HERC6: variants seen among roughly 807,000 people sequenced by gnomAD.
HERC6 encodes the protein HECT and RLD domain containing E3 ubiquitin protein ligase family member 6.
In HERC6, 101 loss-of-function variants were observed where a neutral mutation model predicts 114.5. The ratio of observed to expected loss-of-function variants is 0.88; its 90% CI spans 0.75 to 1.04. The LOEUF is 1.04. Ranked by LOEUF, HERC6 falls within the 50% of genes least tolerant of loss-of-function variation. HERC6 has a pLI of 0.00. For missense variants in HERC6, 1,133 were observed against 1,230.9 expected (o/e 0.92, Z 1.19); for synonymous variants, 408 against 436.2 (o/e 0.94, Z 0.81).
chr4:88,380,426 T>TAATATATAAATATATATATATA (rs1734254225), intron 1 of HERC6, among the ~76,000 whole-genome samples: 1 of 111,574 alleles, frequency 9.0e-6, no homozygotes, highest in Non-Finnish European at 1.7e-5. Context: ...TATATATATA[T>TAATATATAAATATATATATATA]ACACATAATA....
chr4:88,393,385 T>A (rs1041133887), intron 4 of HERC6, 103 bp from the exon 5 acceptor site: 2 of 486,022 alleles, frequency 4.1e-6, no homozygotes, highest in African/African-American at 1.9e-5. Context: ...ATAAAATATA[T>A]CTCTTACACA....
At chr4:88,400,861 CAGT>C (rs1735498424) in intron 8 of HERC6, among the ~76,000 whole-genome samples, 1 of 151,930 alleles carries the variant, frequency 6.6e-6, no homozygotes, top group Non-Finnish European at 1.5e-5. Context: ...CAGGAAAAAA[CAGT>C]CAATATGGAG....
intron 7 of HERC6, among the ~76,000 whole-genome samples, 188 bp from the exon 8 acceptor site, chr4:88,397,954 A>G (rs1472546128): frequency 1.3e-5 from 2 of 152,132 alleles, no homozygotes; most frequent in African/African-American, 2.4e-5. Flanking sequence ...TCTGATCAAA[A>G]CTGATCTTTT....
chr4:88,415,144 T>A, intron 12 of HERC6, among the ~76,000 whole-genome samples: 1 of 152,226 alleles, frequency 6.6e-6, no homozygotes, highest in East Asian at 1.9e-4. Flanking sequence ...ATATTCTATA[T>A]ATAGAAACAT....
At chr4:88,441,369 G>C (rs989759405) in intron 22 of HERC6, among the ~76,000 whole-genome samples, 3 of 152,144 alleles carry the variant, frequency 2.0e-5, no homozygotes, top group African/African-American at 7.2e-5. Context: ...AACCCTACGA[G>C]GTAGGTACTA....
At chr4:88,406,406 G>A (rs1264476560) in intron 10 of HERC6, among the ~76,000 whole-genome samples, 1 of 152,226 alleles carries the variant, frequency 6.6e-6, no homozygotes, top group Non-Finnish European at 1.5e-5. Flanking sequence ...ACTTGCCGTT[G>A]TACAACCCTC....
chr4:88,390,905 G>A (rs747656719), intron 4 of HERC6, 26 bp downstream of exon 4: 22 of 1,566,594 alleles, frequency 1.4e-5, no homozygotes, highest in East Asian at 4.6e-5. Flanking sequence ...TGTTTGTGCA[G>A]TAAATCATTC....
At chr4:88,431,706 G>C (rs1738235886) in intron 17 of HERC6, among the ~76,000 whole-genome samples, 1 of 152,200 alleles carries the variant, frequency 6.6e-6, no homozygotes, top group Non-Finnish European at 1.5e-5. Flanking sequence ...AGGATTGCTT[G>C]AGTAGCTGAG....
chr4:88,439,838 C>G, intron 20 of HERC6, 36 bp from the exon 21 acceptor site: 1 of 1,284,494 alleles, frequency 7.8e-7, no homozygotes, highest in Non-Finnish European at 1.0e-6. Context: ...CTTTTCCTTC[C>G]TTTCTTTTTT....
chr4:88,428,234 G>T (rs1277264343), intron 15 of HERC6, among the ~76,000 whole-genome samples: 2 of 152,152 alleles, frequency 1.3e-5, no homozygotes, highest in African/African-American at 4.8e-5. Flanking sequence ...TAAGACTGAT[G>T]GTGGATGAAT....
intron 11 of HERC6, among the ~76,000 whole-genome samples, chr4:88,409,671 A>C (rs1735988939): frequency 6.6e-6 from 1 of 152,120 alleles, no homozygotes; most frequent in South Asian, 2.1e-4. Flanking sequence ...CTGAGATGAA[A>C]CTTACATCTA....
intron 20 of HERC6, 77 bp from the exon 21 acceptor site, chr4:88,439,797 G>A (rs1739144470): frequency 7.7e-7 from 1 of 1,290,802 alleles, no homozygotes; most frequent in East Asian, 2.7e-5. Flanking sequence ...ATAGTAAAAA[G>A]AACAAAGTAT....
intron 5 of HERC6, among the ~76,000 whole-genome samples, chr4:88,395,183 T>A (rs1398723528): frequency 6.6e-6 from 1 of 152,110 alleles, no homozygotes; most frequent in Non-Finnish European, 1.5e-5. Flanking sequence ...AACCCTCAAT[T>A]GTTTGGATTA....
Position 88,421,721 on chromosome 4 carries a change from C to G in HERC6, c.1714-2139C>G, listed in dbSNP as rs111819392. ...TCAGTCTTTCAAAGTGCTAGGATTA[C>G]AGGCATAAGCCACCGCACCCGACCA... On this transcript the variant is annotated intron_variant, in intron 13 of 22. Coordinates refer to ENST00000264346, the MANE Select transcript of HERC6 (RefSeq NM_017912.4). Among the ~76,000 whole-genome samples, 381 of 152,316 alleles carry G rather than the reference C, an allele frequency of 2.5e-3. 3 individuals carry two copies. The highest frequency in any genetic ancestry group is 9.0e-3 in the African/African-American group (373 of 41,578).
chr4:88,423,408 A>T (rs1452806696), intron 13 of HERC6, among the ~76,000 whole-genome samples: 1 of 152,160 alleles, frequency 6.6e-6, no homozygotes, highest in Non-Finnish European at 1.5e-5. Flanking sequence ...TTGCAAATAC[A>T]GTTTTATGGG....
intron 15 of HERC6, among the ~76,000 whole-genome samples, chr4:88,425,157 G>C (rs571222331): frequency 2.5e-4 from 38 of 152,086 alleles, no homozygotes; most frequent in Non-Finnish European, 3.7e-4. Context: ...CTCCAAAATG[G>C]TTAAAGACCA....
chr4:88,423,995 C>A, intron 14 of HERC6, 22 bp downstream of exon 14: 3 of 1,107,258 alleles, frequency 2.7e-6, no homozygotes, highest in Non-Finnish European at 2.6e-6. Context: ...ATTTTTACTT[C>A]TGAAAATGTT....
In HERC6 at chr4:88,404,806, G is replaced by T. The variant is rs890446624; in HGVS notation, c.1093-70G>T. The T allele has an allele frequency of 2.5e-6, 4 of 1,572,850 alleles. No individual in the cohort carries two copies. In the African/African-American group the frequency reaches 4.1e-5, roughly 16 times the overall value. ...GGCCTATTTACCACCCATGCCAGGTGATTTACTGTATAATTTACTACTGAA... is the reference window on the plus strand; with the variant it reads ...GGCCTATTTACCACCCATGCCAGGTTATTTACTGTATAATTTACTACTGAA... On this transcript the variant is annotated intron_variant, in intron 8 of 22. Transcript: ENST00000264346.
Position 88,431,299 on chromosome 4 carries a change from T to G in HERC6, c.2244T>G (p.Pro748=), listed in dbSNP as rs376325159. The stretch of plus-strand genomic sequence containing the variant: ...AAATGGGTTCCTGCATGTGGTTTCC[T>G]GCCAAGGTAAGTCTTTTCTTTTTTT... The part of the protein sequence containing the change: ...YPEMGSCMWF[P]AKPKPEKKRY... Residue 748 remains proline, a synonymous_variant, in exon 17 of 23, where the codon CCT becomes CCG. Transcript: ENST00000264346. 9 of 1,588,824 alleles carry G rather than the reference T, an allele frequency of 5.7e-6. No individual in the cohort carries two copies. The African/African-American group carries it at 1.1e-4, about 19-fold the overall frequency.
Sources: gnomAD v4.1 joint callset for allele counts (sites outside exome capture counted in the v4.1 genomes callset) on GRCh38, gnomAD v4.1.1 for gene constraint, MANE v1.5 for transcripts, NCBI Gene and HGNC (gene_info 2026-07-23, HGNC 2026-07-21) for gene names.